Variants in GPC6 observed in about 807,000 individuals in gnomAD.
The protein encoded by GPC6 is glypican 6, also known as glypican-6.
GPC6 carries 14 observed loss-of-function variants against 55.2 expected under a neutral mutation model. The observed-to-expected ratio is 0.25, with a 90% CI of 0.17 to 0.40. The LOEUF is 0.40. GPC6 is among the 10% of genes least tolerant of loss of function. The pLI, the probability that GPC6 is intolerant of heterozygous loss-of-function variation, is 1.00. For synonymous variants in GPC6, 278 were observed against 259.6 expected (o/e 1.07, Z -0.68); for missense variants, 641 against 708.5 (o/e 0.90, Z 1.08).
chr13:94,096,853 C>G (rs1029897961), intron 4 of GPC6, among the ~76,000 whole-genome samples: 2 of 152,216 alleles, frequency 1.3e-5, no homozygotes, highest in Non-Finnish European at 2.9e-5. Flanking sequence ...CTCCTACACA[C>G]TCACACTTGT....
At chr13:94,354,868 C>T (rs988166830) in intron 6 of GPC6, among the ~76,000 whole-genome samples, 5 of 152,080 alleles carry the variant, frequency 3.3e-5, no homozygotes, top group Non-Finnish European at 1.5e-5. Flanking sequence ...GTGGGGATGA[C>T]GGTGATGATG....
intron 4 of GPC6, among the ~76,000 whole-genome samples, chr13:94,083,273 C>T (rs1885167168): frequency 6.6e-6 from 1 of 152,044 alleles, no homozygotes; most frequent in South Asian, 2.1e-4. Context: ...CGCCCGCCAC[C>T]ACACCCGTCT....
At chr13:93,778,787 C>T in intron 2 of GPC6, among the ~76,000 whole-genome samples, 1 of 152,178 alleles carries the variant, frequency 6.6e-6, no homozygotes, top group East Asian at 1.9e-4. Context: ...TGAGCCCATA[C>T]AGCCAAGTCT....
intron 4 of GPC6, among the ~76,000 whole-genome samples, chr13:94,185,992 G>A (rs189327436): frequency 3.6e-3 from 425 of 119,048 alleles, no homozygotes; most frequent in African/African-American, 0.013. Flanking sequence ...CCCGGGAGGC[G>A]GAGCTTACAG....
At chr13:94,316,054 A>AC (rs35432834) in intron 6 of GPC6, among the ~76,000 whole-genome samples, 5 of 152,244 alleles carry the variant, frequency 3.3e-5, no homozygotes, top group African/African-American at 1.2e-4. Context: ...AAGATTGGAC[A>AC]CCCCCACTTT....
intron 1 of GPC6, among the ~76,000 whole-genome samples, chr13:93,505,120 A>G (rs1166692500): frequency 6.6e-6 from 1 of 152,220 alleles, no homozygotes; most frequent in African/African-American, 2.4e-5. Flanking sequence ...ATTGCATTAA[A>G]CATAGCATAA....
chr13:93,447,045 AAGAATTAAGT>A (rs1329025469), intron 1 of GPC6, among the ~76,000 whole-genome samples: 107 of 152,262 alleles, frequency 7.0e-4, no homozygotes, highest in African/African-American at 2.5e-3. Flanking sequence ...CAGAGTAAGC[AAGAATTAAGT>A]AGGAGACTGA....
chr13:94,105,309 T>A (rs1296024087), intron 4 of GPC6, among the ~76,000 whole-genome samples: 2 of 152,138 alleles, frequency 1.3e-5, no homozygotes, highest in Non-Finnish European at 2.9e-5. Context: ...CAGTGAGCCA[T>A]GATAGAGCCA....
intron 1 of GPC6, among the ~76,000 whole-genome samples, chr13:93,452,369 G>T (rs2139302995): frequency 6.6e-6 from 1 of 152,298 alleles, no homozygotes; most frequent in East Asian, 1.9e-4. Flanking sequence ...TATTAGAAAT[G>T]TATTCCTCAG....
intron 1 of GPC6, among the ~76,000 whole-genome samples, chr13:93,430,283 A>G (rs1877306945): frequency 6.6e-6 from 1 of 152,120 alleles, no homozygotes; most frequent in African/African-American, 2.4e-5. Context: ...TGTGAAATGT[A>G]TTAAGAATAG....
At position 94,404,745 on chromosome 13, in the gene GPC6, G is replaced by A. The variant is rs1044895583; in HGVS notation, c.*1528G>A. On this transcript the variant is annotated 3_prime_UTR_variant, in exon 9 of 9. Transcript: ENST00000377047. Reference sequence around the variant, plus strand: ...CATTGCTTTCATGTAAAACACCTTCGGCCTAGGATTCCTGCCTGGCACTTG... The same window carrying A: ...CATTGCTTTCATGTAAAACACCTTCAGCCTAGGATTCCTGCCTGGCACTTG... The A allele has an allele frequency of 6.6e-6, 1 of 152,118 alleles. No individual in the cohort carries two copies. Among genetic ancestry groups the A allele is most frequent in the African/African-American group, 2.4e-5 (1 of 41,422 alleles). 9.4% of individuals were successfully genotyped at this position (152,118 alleles called of 1,614,324 possible).
chr13:94,156,190 A>G (rs1313932723), intron 4 of GPC6, among the ~76,000 whole-genome samples: 2 of 152,228 alleles, frequency 1.3e-5, no homozygotes, highest in African/African-American at 2.4e-5. Flanking sequence ...AACTTAAGTA[A>G]GATAAGGAGA....
rs146026549 is a variant in GPC6, at chr13:93,799,271, G to T, written c.320-30883G>T. ...GTTGTGTTAGGTATTTGAAAACATT[G>T]GCTTCATGAACTCCCCCCTAATTTA... is the stretch of plus-strand genomic sequence containing the variant. On this transcript the variant is annotated intron_variant, in intron 2 of 8. Transcript: ENST00000377047. Among the ~76,000 whole-genome samples, 27 of 152,142 alleles carry T rather than the reference G, an allele frequency of 1.8e-4. 1 individual carries two copies. The highest frequency in any genetic ancestry group is 6.5e-4 in the African/African-American group (27 of 41,494).
chr13:93,418,715 G>A (rs1031678373), intron 1 of GPC6, among the ~76,000 whole-genome samples: 2 of 151,154 alleles, frequency 1.3e-5, no homozygotes, highest in Non-Finnish European at 3.0e-5. Context: ...TTTGTTAATA[G>A]CACTATACCG....
chr13:93,959,389 C>G lies in GPC6; in HGVS notation c.712-68340C>G, dbSNP rs532364257. Among the ~76,000 whole-genome samples, 3 of 152,272 alleles carry G rather than the reference C, an allele frequency of 2.0e-5. No homozygotes were observed. The East Asian group carries it at 5.8e-4, about 29-fold the overall frequency. On this transcript the variant is annotated intron_variant, in intron 3 of 8. Coordinates refer to ENST00000377047, the MANE Select transcript of GPC6 (RefSeq NM_005708.5). ...TGTTAACCAGGCTGGTCTCAAGCTC[C>G]TCACCTCAGGTGATCTGCCTGTCTT...
intron 2 of GPC6, among the ~76,000 whole-genome samples, chr13:93,775,859 C>G (rs1028242251): frequency 6.6e-6 from 1 of 152,082 alleles, no homozygotes; most frequent in African/African-American, 2.4e-5. Flanking sequence ...AGATATAGTG[C>G]TGTCAGAAAA....
At chr13:93,534,444 G>T (rs13378963) in intron 1 of GPC6, among the ~76,000 whole-genome samples, 2 of 152,168 alleles carry the variant, frequency 1.3e-5, no homozygotes, top group South Asian at 4.1e-4. Context: ...GTCCCTGAGT[G>T]TCACTTCTGA....
At chr13:94,318,512 T>C (rs1876656752) in intron 6 of GPC6, among the ~76,000 whole-genome samples, 1 of 152,196 alleles carries the variant, frequency 6.6e-6, no homozygotes, top group Non-Finnish European at 1.5e-5. Context: ...GTGCGCTCTC[T>C]AAATATCTTA....
At chr13:93,673,047 AG>A (rs1881435362) in intron 2 of GPC6, among the ~76,000 whole-genome samples, 1 of 152,172 alleles carries the variant, frequency 6.6e-6, no homozygotes, top group Admixed American at 6.6e-5. Flanking sequence ...AGTATAGAAA[AG>A]GTTTACTGAA....
Sources: allele counts gnomAD v4.1 joint callset (sites outside exome capture counted in the v4.1 genomes callset), GRCh38; gene constraint gnomAD v4.1.1; transcripts MANE v1.5; gene names NCBI Gene and HGNC (gene_info 2026-07-23, HGNC 2026-07-21).